The following HDAC9 variants were observed in gnomAD, a reference collection of about 807,000 sequenced individuals.
HDAC9 encodes histone deacetylase 9, also known as MEF-2 interacting transcription repressor (MITR) protein.
In HDAC9, 41 loss-of-function variants were observed where a neutral mutation model predicts 139.4. The ratio of observed to expected loss-of-function variants is 0.29; its 90% CI spans 0.23 to 0.38. The LOEUF is 0.38. Among genes scored for constraint, HDAC9 ranks in the 10% least tolerant of loss-of-function variants. The probability of loss-of-function intolerance (pLI) is 1.00; values close to 1 mark genes in which losing one functional copy is unlikely to be tolerated. For missense variants in HDAC9, 1,147 were observed against 1,297.0 expected (o/e 0.88, Z 1.78); for synonymous variants, 517 against 476.2 (o/e 1.09, Z -1.12).
At chr7:18,248,552 T>A (rs1392600054) in intron 2 of HDAC9, among the ~76,000 whole-genome samples, 1 of 152,236 alleles carries the variant, frequency 6.6e-6, no homozygotes, top group Non-Finnish European at 1.5e-5. Context: ...TTCAGGCACA[T>A]TGGTTCATGT....
chr7:18,109,513 T>G (rs939070301), intron 1 of HDAC9, among the ~76,000 whole-genome samples: 7 of 152,302 alleles, frequency 4.6e-5, no homozygotes, highest in African/African-American at 1.7e-4. Flanking sequence ...TAAAAGAATT[T>G]GAGAAATCCT....
In HDAC9 at chr7:18,874,511, T is replaced by A; in HGVS notation, c.2718T>A (p.Asp906Glu). The change falls in exon 22 of 26, where the codon GAT becomes GAA. Residue 906 changes from aspartate to glutamate, a missense_variant. By Grantham distance (45) the Asp-to-Glu change is conservative. Around this residue, in one of 7 missense-constraint regions of HDAC9, gnomAD observed 407 missense variants for 521.5 expected, o/e 0.78. Coordinates refer to ENST00000686413, the MANE Select transcript of HDAC9 (RefSeq NM_178425.4). ...TIVKPVAKEF[D>E]PDMVLVSAGF... ...TGAAGCCTGTGGCCAAAGAGTTTGA[T>A]CCAGACATGGTCTTAGTATCTGCTG... The A allele has an allele frequency of 6.3e-7, 1 of 1,592,746 alleles. No homozygotes were observed. Among genetic ancestry groups the A allele is most frequent in the Non-Finnish European group, 8.6e-7 (1 of 1,168,542 alleles).
At chr7:18,966,771 T>C (rs1413482225) in intron 24 of HDAC9, among the ~76,000 whole-genome samples, 1 of 152,118 alleles carries the variant, frequency 6.6e-6, no homozygotes, top group African/African-American at 2.4e-5. Context: ...TAGGTGTGAA[T>C]AAAGTATGTT....
At chr7:18,280,818 T>C (rs753344010) in intron 2 of HDAC9, among the ~76,000 whole-genome samples, 5 of 152,034 alleles carry the variant, frequency 3.3e-5, no homozygotes, top group Non-Finnish European at 5.9e-5. Flanking sequence ...AAATAACTTA[T>C]TGAGATGGTC....
intron 2 of HDAC9, among the ~76,000 whole-genome samples, chr7:18,501,169 A>T (rs1177000584): frequency 6.6e-6 from 1 of 152,150 alleles, no homozygotes; most frequent in East Asian, 1.9e-4. Context: ...TAGAGAAAAC[A>T]TTATCAAAGT....
intron 6 of HDAC9, among the ~76,000 whole-genome samples, chr7:18,594,926 G>C (rs182797870): frequency 6.0e-4 from 91 of 152,126 alleles, no homozygotes; most frequent in African/African-American, 2.2e-3. Context: ...TCTACTTGAA[G>C]AAGTATAGAT....
Position 18,946,636 on chromosome 7 carries a change from G to A in HDAC9, c.2938-7510G>A, listed in dbSNP as rs529638708. Among the ~76,000 whole-genome samples, 6 of 152,092 alleles carry A rather than the reference G, an allele frequency of 3.9e-5. No individual in the cohort carries two copies. In the South Asian group the frequency reaches 1.2e-3, roughly 31 times the overall value. On this transcript the variant is annotated intron_variant, in intron 23 of 25. Coordinates refer to ENST00000686413, the MANE Select transcript of HDAC9 (RefSeq NM_178425.4). ...AGATAAAACAATTCAAACTTTTTGT[G>A]TCTAAGACAGCATGAAAACATATTA...
intron 12 of HDAC9, 77 bp downstream of exon 12, chr7:18,666,553 A>G: frequency 6.5e-7 from 1 of 1,543,204 alleles, no homozygotes; most frequent in Non-Finnish European, 8.8e-7. Context: ...CAGGTTTGGT[A>G]AATGGATATG....
chr7:18,170,980 A>G (rs112637045), intron 2 of HDAC9, among the ~76,000 whole-genome samples: 3,592 of 152,246 alleles, frequency 0.024, 144 homozygotes, highest in African/African-American at 0.081. Context: ...CAATTCTGTG[A>G]AGAAAGTCAT....
chr7:19,000,277 T>C lies in HDAC9; in HGVS notation c.*4215T>C, dbSNP rs1786687415. On this transcript the variant is annotated 3_prime_UTR_variant, in exon 26 of 26. Transcript: ENST00000686413. ...TTGGAATAAAGTATTATAATGTATC[T>C]TGTCACCTTCATCAACACCACCATT... 6.6e-6 allele frequency: 1 copy of C among 152,192 alleles called. No homozygotes were observed. The highest frequency in any genetic ancestry group is 2.4e-5 in the African/African-American group (1 of 41,442). The allele number at this position is 152,192 out of a possible 1,614,324, so 9.4% of individuals were successfully genotyped here. A position where few individuals can be genotyped will look rare whatever the true frequency, so the allele number is the denominator to read the frequency against.
At chr7:18,254,173 T>C (rs1227399618) in intron 2 of HDAC9, among the ~76,000 whole-genome samples, 1 of 152,198 alleles carries the variant, frequency 6.6e-6, no homozygotes, top group Non-Finnish European at 1.5e-5. Context: ...ATTGGTGAAT[T>C]TGGAAGCACC....
intron 13 of HDAC9, among the ~76,000 whole-genome samples, chr7:18,731,227 G>A (rs1234534648): frequency 6.6e-6 from 1 of 152,122 alleles, no homozygotes; most frequent in African/African-American, 2.4e-5. Flanking sequence ...TGGGGGAGGG[G>A]AGAGGCTATT....
intron 23 of HDAC9, among the ~76,000 whole-genome samples, chr7:18,948,352 T>A (rs867775310): frequency 1.5e-4 from 23 of 152,114 alleles, no homozygotes; most frequent in Admixed American, 1.2e-3. Flanking sequence ...TGAATTAATA[T>A]GTAAATTTAA....
chr7:18,971,556 A>G (rs556212271), intron 24 of HDAC9, among the ~76,000 whole-genome samples: 10 of 152,386 alleles, frequency 6.6e-5, no homozygotes, highest in African/African-American at 2.2e-4. Flanking sequence ...ACATGAAAAT[A>G]TAACCCATAA....
At chr7:18,685,094 C>T (rs951211536) in intron 12 of HDAC9, among the ~76,000 whole-genome samples, 1 of 152,006 alleles carries the variant, frequency 6.6e-6, no homozygotes, top group South Asian at 2.1e-4. Flanking sequence ...AAACTGTCCT[C>T]CACCCTCACT....
intron 2 of HDAC9, among the ~76,000 whole-genome samples, chr7:18,554,801 G>C (rs1002052808): frequency 6.6e-6 from 1 of 152,114 alleles, no homozygotes; most frequent in Admixed American, 6.5e-5. Context: ...CTTAGACTGG[G>C]TGGGATGACT....
intron 2 of HDAC9, among the ~76,000 whole-genome samples, chr7:18,252,531 A>G (rs758752818): frequency 1.4e-4 from 21 of 152,214 alleles, no homozygotes; most frequent in Non-Finnish European, 2.5e-4. Flanking sequence ...TATCAAAATT[A>G]GGAATCCTTC....
At chr7:18,916,022 G>GGAAAAAAAAAAAAAAAAAA (rs1491394538) in intron 22 of HDAC9, among the ~76,000 whole-genome samples, 1 of 138,122 alleles carries the variant, frequency 7.2e-6, no homozygotes, top group Non-Finnish European at 1.6e-5. Flanking sequence ...CCCCCCGCTG[G>GGAAAAAAAAAAAAAAAAAA]AAAAAAAAAA....
chr7:18,268,517 A>C (rs1796141092), intron 2 of HDAC9, among the ~76,000 whole-genome samples: 1 of 152,188 alleles, frequency 6.6e-6, no homozygotes, highest in African/African-American at 2.4e-5. Flanking sequence ...TTGTTGCTGA[A>C]AATTCTCTCT....
Sources: allele counts gnomAD v4.1 joint callset (sites outside exome capture counted in the v4.1 genomes callset), GRCh38; gene constraint gnomAD v4.1.1; regional missense constraint gnomAD v4.1.1; transcripts MANE v1.5; gene names NCBI Gene and HGNC (gene_info 2026-07-23, HGNC 2026-07-21).